The following ATOSA variants were observed in gnomAD, a reference collection of about 807,000 sequenced individuals.
The protein encoded by ATOSA is atos homolog A.
the ATOSA span, among the ~76,000 whole-genome samples, chr15:52,606,084 G>C: frequency 2.0e-5 from 3 of 151,968 alleles, no homozygotes; most frequent in African/African-American, 7.2e-5. Context: ...ATGAGTAACT[G>C]AAACCATGGA....
the ATOSA span, among the ~76,000 whole-genome samples, chr15:52,619,796 A>C: frequency 6.6e-6 from 1 of 151,994 alleles, no homozygotes; most frequent in African/African-American, 2.4e-5. Context: ...GCACCACTGC[A>C]CTCCAGCCTG....
At chr15:52,618,944 A>C in the ATOSA span, among the ~76,000 whole-genome samples, 4 of 152,222 alleles carry the variant, frequency 2.6e-5, no homozygotes, top group African/African-American at 9.6e-5. Flanking sequence ...CCATGACTGG[A>C]GTTTGCAATC....
At chr15:52,589,378 A>G in the ATOSA span, among the ~76,000 whole-genome samples, 11 of 152,238 alleles carry the variant, frequency 7.2e-5, no homozygotes, top group Non-Finnish European at 5.9e-5. Flanking sequence ...TTAAAATCAC[A>G]TAACTACACG....
chr15:52,617,735 GAATA>G, the ATOSA span, among the ~76,000 whole-genome samples: 133 of 146,732 alleles, frequency 9.1e-4, no homozygotes, highest in East Asian at 4.6e-3. Flanking sequence ...CTCTACTTTT[GAATA>G]AATAAATTTT....
the ATOSA span, among the ~76,000 whole-genome samples, chr15:52,653,310 G>C: frequency 1.3e-5 from 2 of 152,172 alleles, no homozygotes; most frequent in African/African-American, 4.8e-5. Context: ...TTTCATATCA[G>C]ACCCAGAATC....
chr15:52,632,796 T>G, the ATOSA span, among the ~76,000 whole-genome samples: 1 of 152,188 alleles, frequency 6.6e-6, no homozygotes, highest in Non-Finnish European at 1.5e-5. Context: ...AGTATTTCAT[T>G]CATAATGTAT....
chr15:52,697,893 C>T, the ATOSA span, among the ~76,000 whole-genome samples: 1 of 148,950 alleles, frequency 6.7e-6, no homozygotes, highest in African/African-American at 2.5e-5. Context: ...GAAACCACTA[C>T]TACCACCCCA....
the ATOSA span, chr15:52,585,074 G>A: frequency 9.4e-6 from 6 of 638,006 alleles, no homozygotes; most frequent in Admixed American, 3.6e-5. Context: ...TCAGTTTCAA[G>A]GACTAAAATT....
At chr15:52,617,774 T>A in the ATOSA span, among the ~76,000 whole-genome samples, 113 of 72,370 alleles carry the variant, frequency 1.6e-3, 1 homozygote, top group Admixed American at 4.3e-3. Context: ...TTATTAATAA[T>A]TTATTATATA....
At chr15:52,706,783 T>C in the ATOSA span, among the ~76,000 whole-genome samples, 6 of 152,186 alleles carry the variant, frequency 3.9e-5, no homozygotes, top group Non-Finnish European at 4.4e-5. Context: ...GAAAACATCA[T>C]GCCAAGTACA....
At chr15:52,608,959 C>T in the ATOSA span, 3 of 1,611,214 alleles carry the variant, frequency 1.9e-6, no homozygotes, top group African/African-American at 1.3e-5. Flanking sequence ...CTTATTTGTA[C>T]AAATCTGTTT....
At chr15:52,705,667 A>C in the ATOSA span, among the ~76,000 whole-genome samples, 1 of 151,842 alleles carries the variant, frequency 6.6e-6, no homozygotes, top group Non-Finnish European at 1.5e-5. Context: ...TATATACACA[A>C]GTAATCACCA....
At chr15:52,612,145 A>T in the ATOSA span, among the ~76,000 whole-genome samples, 1 of 151,696 alleles carries the variant, frequency 6.6e-6, no homozygotes, top group African/African-American at 2.4e-5. Flanking sequence ...CCAGCACGCC[A>T]GACTAATTTT....
At chr15:52,587,026 A>G in the ATOSA span, 2 of 1,552,548 alleles carry the variant, frequency 1.3e-6, no homozygotes, top group Non-Finnish European at 1.7e-6. Flanking sequence ...GGGGAACTCC[A>G]AACAAAGCTG....
At chr15:52,586,915 C>A in the ATOSA span, 21 of 633,630 alleles carry the variant, frequency 3.3e-5, no homozygotes, top group South Asian at 1.1e-4. Flanking sequence ...TGAAGTTATG[C>A]AAACTGTCAT....
At chr15:52,647,669 T>C in the ATOSA span, among the ~76,000 whole-genome samples, 1,125 of 152,170 alleles carry the variant, frequency 7.4e-3, 16 homozygotes, top group African/African-American at 0.026. Flanking sequence ...TTAGCAACTC[T>C]AGTCAATCAG....
chr15:52,686,651 T>C, the ATOSA span, among the ~76,000 whole-genome samples: 8 of 152,198 alleles, frequency 5.3e-5, no homozygotes, highest in African/African-American at 1.7e-4. Context: ...AAAGCTCAAT[T>C]AGGCATAGAG....
chr15:52,606,932 TAAAGG>T, the ATOSA span, among the ~76,000 whole-genome samples: 3 of 152,214 alleles, frequency 2.0e-5, no homozygotes, highest in South Asian at 4.1e-4. Context: ...CTTGGAAAAG[TAAAGG>T]AAAGTGAAGC....
chr15:52,582,144 T>A, the ATOSA span: 3 of 1,555,330 alleles, frequency 1.9e-6, no homozygotes, highest in African/African-American at 4.2e-5. Flanking sequence ...CTTTAAATCA[T>A]CACTCCTTAT....
Sources: gnomAD v4.1 joint callset for allele counts (sites outside exome capture counted in the v4.1 genomes callset) on GRCh38, gnomAD v4.1.1 for gene constraint, MANE v1.5 for transcripts, NCBI Gene and HGNC (gene_info 2026-07-23, HGNC 2026-07-21) for gene names.